RBL1: variants seen among roughly 807,000 people sequenced by gnomAD.
RBL1 encodes retinoblastoma-like protein 1.
In RBL1, 82 loss-of-function variants were observed where a neutral mutation model predicts 123.0. That is an observed-to-expected ratio of 0.67 (90% CI 0.56 to 0.80). RBL1 has a LOEUF of 0.80. Among genes scored for constraint, RBL1 ranks in the 30% least tolerant of loss-of-function variants. The pLI, the probability that RBL1 is intolerant of heterozygous loss-of-function variation, is 0.00. For synonymous variants in RBL1, 405 were observed against 441.3 expected, an observed-to-expected ratio of 0.92 and a Z score of 1.03; for missense variants, 1,171 against 1,299.6, an observed-to-expected ratio of 0.90 and a Z score of 1.52.
chr20:37,048,897 G>A (rs1361503321), intron 11 of RBL1, among the ~76,000 whole-genome samples: 7 of 136,152 alleles, frequency 5.1e-5, no homozygotes, highest in Admixed American at 1.6e-4. Context: ...AGACACCATC[G>A]TATTAAAAAA....
chr20:37,045,989 T>C (rs2064812963), intron 12 of RBL1, among the ~76,000 whole-genome samples: 1 of 152,212 alleles, frequency 6.6e-6, no homozygotes, highest in Non-Finnish European at 1.5e-5. Flanking sequence ...TTAAACGTTA[T>C]TGACTGTGAT....
intron 7 of RBL1, among the ~76,000 whole-genome samples, chr20:37,063,874 G>A (rs144169790): frequency 0.01 from 1,552 of 150,484 alleles, 24 homozygotes; most frequent in African/African-American, 0.036. Flanking sequence ...GCAGGCTGAA[G>A]TGCAGTGGTG....
At chr20:37,061,946 C>A in intron 8 of RBL1, 138 bp downstream of exon 8, 1 of 991,866 alleles carries the variant, frequency 1.0e-6, no homozygotes, top group South Asian at 2.2e-5. Context: ...TAAAAATTAC[C>A]TTTTAAGGCT....
chr20:37,050,793 A>T (rs1293542890), intron 11 of RBL1, among the ~76,000 whole-genome samples: 1 of 152,012 alleles, frequency 6.6e-6, no homozygotes, highest in Non-Finnish European at 1.5e-5. Flanking sequence ...ATGAAAAAAA[A>T]CACAGTAAGA....
At chr20:37,021,249 G>C (rs758184496) in intron 17 of RBL1, among the ~76,000 whole-genome samples, 1 of 152,100 alleles carries the variant, frequency 6.6e-6, no homozygotes, top group Non-Finnish European at 1.5e-5. Context: ...AAATGGATTA[G>C]TGATCCAAAA....
In RBL1 at chr20:37,095,862, C is replaced by T. The variant is rs1210605978; in HGVS notation, c.67G>A (p.Ala23Thr). Residue 23 changes from alanine (A) to threonine (T), a missense_variant, in exon 1 of 22, where the codon GCC becomes ACC. Ala to Thr is a moderately conservative substitution (Grantham distance 58). Coordinates refer to ENST00000373664, the MANE Select transcript of RBL1 (RefSeq NM_002895.5). ...TCCAGGTTCAGCTCCTGGCACAGGG[C>T]CTGTAGCGCCTCCCCGGCTGCGGCG... ...VVAAAGEALQ[A>T]LCQELNLDEG... The T allele has an allele frequency of 4.4e-6, 7 of 1,606,754 alleles. No individual in the cohort carries two copies. The highest frequency in any genetic ancestry group is 2.2e-5 in the South Asian group (2 of 90,032).
intron 8 of RBL1, 85 bp downstream of exon 8, chr20:37,061,999 C>T: frequency 7.4e-7 from 1 of 1,354,876 alleles, no homozygotes; most frequent in Non-Finnish European, 9.8e-7. Context: ...CAAGATTTAA[C>T]TTGAAAGATG....
intron 16 of RBL1, among the ~76,000 whole-genome samples, chr20:37,023,953 T>G (rs2146232902): frequency 6.6e-6 from 1 of 151,824 alleles, no homozygotes; most frequent in South Asian, 2.1e-4. Context: ...AATTTTTTTT[T>G]TTTTGTATTT....
At chr20:37,047,935 A>T (rs1461496383) in intron 11 of RBL1, among the ~76,000 whole-genome samples, 1 of 152,142 alleles carries the variant, frequency 6.6e-6, no homozygotes, top group East Asian at 1.9e-4. Flanking sequence ...AGCCAAGATC[A>T]CGCCACCACA....
At chr20:37,078,167 A>T (rs1295549308) in intron 2 of RBL1, among the ~76,000 whole-genome samples, 1 of 152,130 alleles carries the variant, frequency 6.6e-6, no homozygotes, top group East Asian at 1.9e-4. Context: ...TTGTCAGAGG[A>T]TCATATCCAT....
At chr20:37,034,806 A>G (rs1295158571) in intron 15 of RBL1, among the ~76,000 whole-genome samples, 1 of 152,166 alleles carries the variant, frequency 6.6e-6, no homozygotes, top group African/African-American at 2.4e-5. Context: ...AAGGTGGGGC[A>G]CAGAGGATTT....
In RBL1 at chr20:37,035,285, T is replaced by C. The variant is rs766739932; in HGVS notation, c.2127A>G (p.Pro709=). 2 of 1,613,828 alleles carry C rather than the reference T, an allele frequency of 1.2e-6. No homozygotes were observed. Among genetic ancestry groups the C allele is most frequent in the Non-Finnish European group, 1.7e-6 (2 of 1,179,806 alleles). The change falls in exon 15 of 22, where the codon CCA becomes CCG. Residue 709 remains proline (P), a synonymous_variant. Transcript: ENST00000373664. ...CTTTATGTCCTGTTGTTCCTGTTAC[T>C]GGGGCTGTGGCCATTGTTAGAAGAG... ...GQTLLTMATA[P]VTGTTGHKVT... is the part of the protein sequence containing the mutation.
chr20:37,007,513 C>T lies in RBL1; in HGVS notation c.2769G>A (p.Val923=). 1 of 1,613,766 alleles carries T rather than the reference C, an allele frequency of 6.2e-7. No homozygotes were observed. Among genetic ancestry groups the T allele is most frequent in the Non-Finnish European group, 8.5e-7 (1 of 1,179,756 alleles). Residue 923 remains valine, a synonymous_variant, in exon 20 of 22, where the codon GTG becomes GTA. Transcript: ENST00000373664. Reference sequence around the variant, plus strand: ...TTATAAGATCACCTCTTTCCTCTTTCACTGGTCCACTGGAACAGTCAGGTG... The same window carrying T: ...TTATAAGATCACCTCTTTCCTCTTTTACTGGTCCACTGGAACAGTCAGGTG... ...TKTPDCSSGP[V]KEERGDLIKF...
chr20:37,032,835 A>C lies in RBL1; in HGVS notation c.2212T>G (p.Ser738Ala), dbSNP rs201655081. ...TTGGACTCCTGATTTGTATTCATGG[A>C]AAGAGGTATCAGTGTGATCTCTCCA... is the stretch of plus-strand genomic sequence containing the variant. Reference protein sequence around the residue: ...DAGEITLIPLSMNTNQESKVK... With the variant: ...DAGEITLIPLAMNTNQESKVK... The change falls in exon 16 of 22, where the codon TCC (serine) becomes GCC (alanine). Residue 738 changes from serine to alanine, a missense_variant. By Grantham distance (99) the Ser-to-Ala change is moderately conservative. Transcript: ENST00000373664. 1.4e-4 allele frequency: 225 copies of C among 1,613,948 alleles called. No individual in the cohort carries two copies. The highest frequency in any genetic ancestry group is 1.6e-4 in the Middle Eastern group (1 of 6,080).
At chr20:37,058,935 T>C (rs1005767924) in intron 9 of RBL1, among the ~76,000 whole-genome samples, 3 of 152,174 alleles carry the variant, frequency 2.0e-5, no homozygotes, top group Non-Finnish European at 4.4e-5. Flanking sequence ...GGTCTCATCA[T>C]GTTGCTCAGG....
chr20:37,019,216 AT>A (rs1054311997), intron 18 of RBL1, among the ~76,000 whole-genome samples: 4 of 151,950 alleles, frequency 2.6e-5, no homozygotes, highest in African/African-American at 9.7e-5. Context: ...GACCAGAGTC[AT>A]TTGTTCTTAA....
intron 16 of RBL1, among the ~76,000 whole-genome samples, chr20:37,031,650 C>CAT (rs2064514081): frequency 2.6e-5 from 4 of 152,168 alleles, no homozygotes; most frequent in Non-Finnish European, 4.4e-5. Context: ...TACGGTGGTT[C>CAT]CTCAGAAAAT....
intron 15 of RBL1, among the ~76,000 whole-genome samples, chr20:37,034,221 G>A (rs918733929): frequency 6.6e-6 from 1 of 152,100 alleles, no homozygotes. Flanking sequence ...ACAGGTGAAA[G>A]CTACCATGCC....
At position 37,026,777 on chromosome 20, in the gene RBL1, G is replaced by A. The variant is rs1241782878; in HGVS notation, c.2383-3951C>T. 2.0e-5 allele frequency among the ~76,000 whole-genome samples: 3 copies of A among 151,760 alleles called. No homozygotes were observed. The East Asian group carries it at 5.8e-4, about 29-fold the overall frequency. ...TACTAGTACTTTGGGAGGCTGAGGT[G>A]GTGGATCACTAGGTCAGGAGATCGA... On this transcript the variant is annotated intron_variant, in intron 16 of 21. Transcript: ENST00000373664.
Sources: gnomAD v4.1 joint callset for allele counts (sites outside exome capture counted in the v4.1 genomes callset) on GRCh38, gnomAD v4.1.1 for gene constraint, MANE v1.5 for transcripts, NCBI Gene and HGNC (gene_info 2026-07-23, HGNC 2026-07-21) for gene names.